Variants in LRRC39 observed in about 807,000 individuals in gnomAD.
LRRC39 encodes the protein leucine-rich repeat-containing protein 39.
A neutral mutation model predicts 39.7 loss-of-function variants in LRRC39; 35 were observed. The ratio of observed to expected loss-of-function variants is 0.88; its 90% CI spans 0.67 to 1.17. The LOEUF is 1.17. Among genes scored for constraint, LRRC39 ranks in the 50% most tolerant of loss-of-function variants. The probability of loss-of-function intolerance (pLI) is 0.00; values close to 1 mark genes in which losing one functional copy is unlikely to be tolerated. For synonymous variants in LRRC39, 113 were observed against 134.1 expected, an observed-to-expected ratio of 0.84 and a Z score of 1.09; for missense variants, 357 against 385.8, an observed-to-expected ratio of 0.93 and a Z score of 0.62.
At chr1:100,176,833 C>T (rs1169207547) in intron 1 of LRRC39, among the ~76,000 whole-genome samples, 1 of 152,040 alleles carries the variant, frequency 6.6e-6, no homozygotes, top group African/African-American at 2.4e-5. Flanking sequence ...GTAAGGAAGA[C>T]TTATTGAGGG....
Position 100,170,560 on chromosome 1 carries a change from T to A in LRRC39, c.-78-1966A>T, listed in dbSNP as rs373252479. On this transcript the variant is annotated intron_variant, in intron 2 of 9. Coordinates refer to ENST00000370137, the MANE Select transcript of LRRC39 (RefSeq NM_144620.4). ...GAAAATGTTCTAGAATTAGTGATAA[T>A]GATTGTACAACTCTTGAATAAAACT... 4.6e-5 allele frequency among the ~76,000 whole-genome samples: 7 copies of A among 152,204 alleles called. No individual in the cohort carries two copies. The East Asian group carries it at 1.2e-3, about 25-fold the overall frequency.
intron 5 of LRRC39, 44 bp downstream of exon 5, chr1:100,159,215 G>A (rs772790480): frequency 1.3e-6 from 2 of 1,512,740 alleles, no homozygotes; most frequent in Non-Finnish European, 1.8e-6. Context: ...AAGCACATCT[G>A]CAGGTGGATA....
At chr1:100,160,857 C>T (rs1207428002) in intron 3 of LRRC39, among the ~76,000 whole-genome samples, 2 of 152,058 alleles carry the variant, frequency 1.3e-5, no homozygotes, top group Admixed American at 1.3e-4. Context: ...AACTCCTGAC[C>T]TTGTGATCCA....
At chr1:100,149,950 A>G (rs1023295510) in intron 9 of LRRC39, 1 of 152,500 alleles carries the variant, frequency 6.6e-6, no homozygotes, top group Non-Finnish European at 1.5e-5. Flanking sequence ...AGCCTAACCA[A>G]TTTAAAATTC....
intron 2 of LRRC39, among the ~76,000 whole-genome samples, chr1:100,171,695 G>A (rs1408164788): frequency 1.3e-5 from 2 of 149,934 alleles, no homozygotes; most frequent in Non-Finnish European, 3.0e-5. Context: ...GTAAAGACAG[G>A]GGTCTTGCTA....
intron 9 of LRRC39, among the ~76,000 whole-genome samples, chr1:100,150,722 G>T (rs539210286): frequency 1.3e-5 from 2 of 152,298 alleles, no homozygotes; most frequent in African/African-American, 4.8e-5. Context: ...TGTGGGATAT[G>T]CATACAGCTA....
In LRRC39 at chr1:100,155,157, A is replaced by G; in HGVS notation, c.706T>C (p.Cys236Arg). The change falls in exon 8 of 10, where the codon TGC (cysteine) becomes CGC (arginine). Residue 236 changes from cysteine to arginine, a missense_variant. By Grantham distance (180) the Cys-to-Arg change is radical. Coordinates refer to ENST00000370137, the MANE Select transcript of LRRC39 (RefSeq NM_144620.4). Reference sequence around the variant, plus strand: ...ATATTGCTGATTGTTTGAGGCAAGCATGTTATTTCATTTCGTTGCAGCCAT... The same window carrying G: ...ATATTGCTGATTGTTTGAGGCAAGCGTGTTATTTCATTTCGTTGCAGCCAT... ...TLWLQRNEIT[C>R]LPQTISNMKN... is the part of the protein sequence containing the mutation. 6.2e-7 allele frequency: 1 copy of G among 1,610,020 alleles called. No homozygotes were observed. The highest frequency in any genetic ancestry group is 8.5e-7 in the Non-Finnish European group (1 of 1,178,520).
chr1:100,153,655 C>T (rs1658228746), intron 8 of LRRC39, among the ~76,000 whole-genome samples: 1 of 152,138 alleles, frequency 6.6e-6, no homozygotes, highest in South Asian at 2.1e-4. Context: ...AGAAGACATA[C>T]AAGCAACCTA....
chr1:100,175,186 G>T (rs867789346), intron 1 of LRRC39, among the ~76,000 whole-genome samples: 1 of 151,504 alleles, frequency 6.6e-6, no homozygotes, highest in Non-Finnish European at 1.5e-5. Flanking sequence ...TTTGTTTTGT[G>T]GTTTTTTGTT....
At chr1:100,168,064 A>G (rs573154382) in intron 3 of LRRC39, among the ~76,000 whole-genome samples, 12 of 152,084 alleles carry the variant, frequency 7.9e-5, no homozygotes, top group African/African-American at 2.7e-4. Context: ...AATCTACTGT[A>G]CCTTCTACTG....
At chr1:100,164,366 A>T (rs1659093288) in intron 3 of LRRC39, among the ~76,000 whole-genome samples, 1 of 152,038 alleles carries the variant, frequency 6.6e-6, no homozygotes, top group African/African-American at 2.4e-5. Context: ...CTTCCTTGCC[A>T]CTCAGTGTGA....
chr1:100,150,384 A>G (rs1570758184), intron 9 of LRRC39: 1 of 152,224 alleles, frequency 6.6e-6, no homozygotes, highest in East Asian at 1.9e-4. Context: ...AAGATATATC[A>G]TTAAATAATT....
intron 2 of LRRC39, among the ~76,000 whole-genome samples, chr1:100,172,530 A>G (rs1210840521): frequency 6.6e-6 from 1 of 151,508 alleles, no homozygotes; most frequent in Non-Finnish European, 1.5e-5. Context: ...CTACTAAAAA[A>G]ATACAAAAAA....
rs185558553 is a variant in LRRC39 at position 100,152,669 on chromosome 1, A to G, written c.813-145T>C. 5,577 of 766,900 alleles carry G rather than the reference A, an allele frequency of 7.3e-3. 40 individuals are homozygous for G. The highest frequency in any genetic ancestry group is 8.6e-3 in the Non-Finnish European group (4,207 of 491,152). The allele number at this position is 766,900 out of a possible 1,614,324, so 47.5% of individuals were successfully genotyped here. ...TGAACGACTTGGTGAGATGTGATATATCTCAAGAATCTTATGTTTTTTTCC... is the reference window on the plus strand; with the variant it reads ...TGAACGACTTGGTGAGATGTGATATGTCTCAAGAATCTTATGTTTTTTTCC... On this transcript the variant is annotated intron_variant, in intron 8 of 9. Coordinates refer to ENST00000370137, the MANE Select transcript of LRRC39 (RefSeq NM_144620.4).
chr1:100,148,795 C>T lies in LRRC39; in HGVS notation c.*247G>A, dbSNP rs1199165084. On this transcript the variant is annotated 3_prime_UTR_variant, in exon 10 of 10. Transcript: ENST00000370137. Reference sequence around the variant, plus strand: ...TTGTTAACTGCTTTACCAAATCATTCTTCATCACCAGAAACAACTGCTTAA... The same window carrying T: ...TTGTTAACTGCTTTACCAAATCATTTTTCATCACCAGAAACAACTGCTTAA... 1.3e-6 allele frequency: 2 copies of T among 1,516,566 alleles called. No individual in the cohort carries two copies. Among genetic ancestry groups the T allele is most frequent in the Non-Finnish European group, 1.8e-6 (2 of 1,134,674 alleles). 93.9% of individuals were successfully genotyped at this position (1,516,566 alleles called of 1,614,324 possible). A position where few individuals can be genotyped will look rare whatever the true frequency, so the allele number is the denominator to read the frequency against.
chr1:100,168,496 A>G lies in LRRC39; in HGVS notation c.21T>C (p.Cys7=). 6.2e-7 allele frequency: 1 copy of G among 1,610,628 alleles called. No individual in the cohort carries two copies. ...CCTTTACAGCATTGACAGCCCCAGT[A>G]CAAACCACATTTTCTGTCATGATTT... MTENVV[C]TGAVNAVKEV... The change falls in exon 3 of 10, where the codon TGT becomes TGC. Residue 7 remains cysteine, a synonymous_variant. Coordinates refer to ENST00000370137, the MANE Select transcript of LRRC39 (RefSeq NM_144620.4).
rs10593200 is a variant in LRRC39 at position 100,159,606 on chromosome 1, C to CTTTTTTTTTTTTTTTTT, written c.220-208_220-192dup. 2.3e-3 allele frequency among the ~76,000 whole-genome samples: 96 copies of CTTTTTTTTTTTTTTTTT among 41,270 alleles called. 1 individual carries two copies. Among genetic ancestry groups the CTTTTTTTTTTTTTTTTT allele is most frequent in the South Asian group, 3.7e-3 (3 of 812 alleles). 27.1% of individuals were successfully genotyped at this position (41,270 alleles called of 152,430 possible). Reference sequence around the variant, plus strand: ...GATCTTTCCTTTTTTTTTTCTTTTCCTTTTTTTTTTTTTTTTTTTTTGGCT... The same window carrying CTTTTTTTTTTTTTTTTT: ...GATCTTTCCTTTTTTTTTTCTTTTCCTTTTTTTTTTTTTTTTTTTTTTTTTTTTTTTTTTTTTTGGCT... On this transcript the variant is annotated intron_variant, in intron 4 of 9. Transcript: ENST00000370137.
rs113193288 is a variant in LRRC39 at position 100,149,062 on chromosome 1, A to G, written c.988T>C (p.Ser330Pro). 6.2e-7 allele frequency: 1 copy of G among 1,600,274 alleles called. No individual in the cohort carries two copies. The highest frequency in any genetic ancestry group is 1.1e-5 in the South Asian group (1 of 88,096). ...QVNGSTTLPI[S>P]INTDG ...TTATATTATCCATCCGTATTTATGG[A>G]GATTGGTAAAGTAGTTGAACCGTTG... Residue 330 changes from serine (S) to proline (P), a missense_variant, in exon 10 of 10, where the codon TCC becomes CCC. Transcript: ENST00000370137.
intron 6 of LRRC39, 118 bp downstream of exon 6, chr1:100,158,113 A>AT (rs2101772820): frequency 8.7e-7 from 1 of 1,143,898 alleles, no homozygotes; most frequent in Non-Finnish European, 1.2e-6. Flanking sequence ...TTCTCTAAAT[A>AT]TTTTTTCTGA....
Sources: allele counts gnomAD v4.1 joint callset (sites outside exome capture counted in the v4.1 genomes callset), GRCh38; gene constraint gnomAD v4.1.1; transcripts MANE v1.5; gene names NCBI Gene and HGNC (gene_info 2026-07-23, HGNC 2026-07-21).